The following RBM33 variants were observed in gnomAD, a reference collection of about 807,000 sequenced individuals.
RBM33 encodes the protein RNA-binding protein 33.
In RBM33, 28 loss-of-function variants were observed where a neutral mutation model predicts 132.6. That is an observed-to-expected ratio of 0.21 (90% CI 0.16 to 0.29). RBM33 has a LOEUF of 0.29. Ranked by LOEUF, RBM33 falls within the 10% of genes least tolerant of loss-of-function variation. The pLI, the probability that RBM33 is intolerant of heterozygous loss-of-function variation, is 1.00. For missense variants in RBM33, 1,291 were observed against 1,518.5 expected, an observed-to-expected ratio of 0.85 and a Z score of 2.49; for synonymous variants, 634 against 593.0, an observed-to-expected ratio of 1.07 and a Z score of -1.01.
At chr7:155,673,591 T>TACACACATATAC (rs1563137562) in intron 3 of RBM33, among the ~76,000 whole-genome samples, 8 of 94,868 alleles carry the variant, frequency 8.4e-5, no homozygotes, top group African/African-American at 2.7e-4. Context: ...TGTATATATA[T>TACACACATATAC]ATACACACAT....
At chr7:155,653,573 C>T (rs1053329372) in intron 1 of RBM33, among the ~76,000 whole-genome samples, 1 of 68,328 alleles carries the variant, frequency 1.5e-5, no homozygotes, top group Non-Finnish European at 3.4e-5. Context: ...CCCCCAGCCT[C>T]CCTCGAGGGG....
At chr7:155,721,754 T>A (rs1800634697) in intron 9 of RBM33, among the ~76,000 whole-genome samples, 1 of 152,018 alleles carries the variant, frequency 6.6e-6, no homozygotes, top group Non-Finnish European at 1.5e-5. Flanking sequence ...AATTATTCTT[T>A]AAAATTATTC....
chr7:155,773,342 C>T (rs1046480625), intron 16 of RBM33, among the ~76,000 whole-genome samples: 3 of 151,836 alleles, frequency 2.0e-5, no homozygotes, highest in Non-Finnish European at 4.4e-5. Flanking sequence ...AAGGCAGAGG[C>T]GGATCATGAG....
intron 7 of RBM33, among the ~76,000 whole-genome samples, chr7:155,709,473 G>A (rs1800214089): frequency 6.6e-6 from 1 of 152,142 alleles, no homozygotes; most frequent in Non-Finnish European, 1.5e-5. Context: ...GTTTCTCAGT[G>A]AGTCTTAGTC....
intron 1 of RBM33, among the ~76,000 whole-genome samples, chr7:155,661,225 G>C (rs1341252126): frequency 6.9e-6 from 1 of 144,426 alleles, no homozygotes; most frequent in African/African-American, 2.6e-5. Context: ...TGCAATCTCT[G>C]CCTCCCTGGT....
At chr7:155,717,494 G>A (rs893301648) in intron 8 of RBM33, among the ~76,000 whole-genome samples, 4 of 143,544 alleles carry the variant, frequency 2.8e-5, no homozygotes, top group African/African-American at 5.2e-5. Context: ...TCTGAGGTAC[G>A]GGGGGTTGGG....
Position 155,678,670 on chromosome 7 carries a change from TGAA to T in RBM33, c.238_240del (p.Glu80del), listed in dbSNP as rs771136634. 7 of 1,566,324 alleles carry T rather than the reference TGAA, an allele frequency of 4.5e-6. No homozygotes were observed. Among genetic ancestry groups the T allele is most frequent in the East Asian group, 2.3e-5 (1 of 43,646 alleles). ...ATCTTTTGCAGAGTGATAATGAAGA[TGAA>T]GAAAATTTCAGGTACTCAATATTAC... On this transcript the variant is annotated inframe_deletion, in exon 4 of 18. Transcript: ENST00000401878.
At position 155,775,325 on chromosome 7, in the gene RBM33, TG is replaced by T; in HGVS notation, c.*285del. 3.6e-6 allele frequency: 2 copies of T among 560,612 alleles called. No individual in the cohort carries two copies. The highest frequency in any genetic ancestry group is 3.2e-6 in the Non-Finnish European group (1 of 309,284). 34.7% of individuals were successfully genotyped at this position (560,612 alleles called of 1,614,324 possible). ...TTGTTTTCAAAGTGCTTACAATGCA[TG>T]TAGACATTGTTCTTTGTGGTCTGAC... On this transcript the variant is annotated 3_prime_UTR_variant, in exon 18 of 18. Coordinates refer to ENST00000401878, the MANE Select transcript of RBM33 (RefSeq NM_053043.3).
At chr7:155,655,111 A>C (rs2116873231) in intron 1 of RBM33, among the ~76,000 whole-genome samples, 1 of 152,362 alleles carries the variant, frequency 6.6e-6, no homozygotes, top group Non-Finnish European at 1.5e-5. Context: ...ATTCTGTGTG[A>C]ACAGATAACT....
intron 2 of RBM33, among the ~76,000 whole-genome samples, chr7:155,668,650 C>T (rs111468872): frequency 4.6e-5 from 7 of 152,174 alleles, no homozygotes; most frequent in South Asian, 2.1e-4. Flanking sequence ...TAAACTAGTT[C>T]GTTCTTGAGG....
At position 155,763,458 on chromosome 7, in the gene RBM33, A is replaced by G. The variant is rs59215582; in HGVS notation, c.2980-354A>G. 7.1e-3 allele frequency among the ~76,000 whole-genome samples: 1,075 copies of G among 152,380 alleles called. 11 individuals are homozygous for G. The highest frequency in any genetic ancestry group is 0.025 in the African/African-American group (1,043 of 41,590). On this transcript the variant is annotated intron_variant, in intron 14 of 17. Coordinates refer to ENST00000401878, the MANE Select transcript of RBM33 (RefSeq NM_053043.3). ...ACATTTTAACAAGAATGCTCTTGAA[A>G]GTGAATAATGCATGCTGAAAGTGAA... is the stretch of plus-strand genomic sequence containing the variant.
chr7:155,773,057 A>G (rs1384235285), intron 16 of RBM33, among the ~76,000 whole-genome samples: 1 of 152,190 alleles, frequency 6.6e-6, no homozygotes, highest in African/African-American at 2.4e-5. Context: ...TAGCTCTTTG[A>G]CATGCTTTAA....
intron 8 of RBM33, 29 bp from the exon 9 acceptor site, chr7:155,718,356 G>C (rs1384232578): frequency 1.2e-6 from 2 of 1,602,484 alleles, no homozygotes; most frequent in South Asian, 1.1e-5. Context: ...AGTAAAGTGT[G>C]TCTCTAACAC....
chr7:155,716,528 A>C (rs1442023541), intron 8 of RBM33, among the ~76,000 whole-genome samples: 1 of 152,060 alleles, frequency 6.6e-6, no homozygotes, highest in African/African-American at 2.4e-5. Flanking sequence ...TGGCATTTAA[A>C]TTCCAAGTTT....
chr7:155,742,240 TTTAACC>T, intron 13 of RBM33, 134 bp downstream of exon 13: 1 of 805,716 alleles, frequency 1.2e-6, no homozygotes, highest in Non-Finnish European at 1.9e-6. Flanking sequence ...TTTTTTTTTT[TTTAACC>T]TAACAGCCAT....
chr7:155,693,852 A>G (rs1184314435), intron 5 of RBM33, among the ~76,000 whole-genome samples: 1 of 152,004 alleles, frequency 6.6e-6, no homozygotes, highest in Non-Finnish European at 1.5e-5. Flanking sequence ...CTTTTGTAGG[A>G]TTTGGTTTTG....
chr7:155,654,750 ATTAAT>A (rs1464215398), intron 1 of RBM33, among the ~76,000 whole-genome samples: 6 of 152,250 alleles, frequency 3.9e-5, no homozygotes, highest in South Asian at 2.1e-4. Flanking sequence ...TAAGTCATTC[ATTAAT>A]TTAAGTTCAT....
At position 155,644,755 on chromosome 7, in the gene RBM33, T is replaced by C. The variant is rs1041487397; in HGVS notation, c.-122T>C. 8.8e-6 allele frequency: 7 copies of C among 793,244 alleles called. No individual in the cohort carries two copies. The South Asian group carries it at 1.3e-4, about 14-fold the overall frequency. The allele number at this position is 793,244 out of a possible 1,614,324, so 49.1% of individuals were successfully genotyped here. A position where few individuals can be genotyped will look rare whatever the true frequency, so the allele number is the denominator to read the frequency against. ...GGACCGCGAAGCGCCCGGCTTCGCC[T>C]CTGCCTCCTGCAGCCCCCTCCCTTC... On this transcript the variant is annotated 5_prime_UTR_variant, in exon 1 of 18. Transcript: ENST00000401878.
In RBM33 at chr7:155,745,116, G is replaced by T. The variant is rs143629449; in HGVS notation, c.2493G>T (p.Gln831His). The change falls in exon 14 of 18, where the codon CAG becomes CAT. Residue 831 changes from glutamine to histidine, a missense_variant. Physicochemically the swap from Gln to His is conservative, Grantham distance 24. Transcript: ENST00000401878. This position sits in a 1 kb window ranked among gnomAD's most constrained non-coding sequence, Gnocchi z 4.1. ...TGCTGGAGAGACTCGCGCAGCAACA[G>T]CAGCAGCTGTACGCTCCCCCACCCC... Reference protein sequence around the residue: ...KELLERLAQQQQQLYAPPPPA... With the variant: ...KELLERLAQQHQQLYAPPPPA... The T allele has an allele frequency of 5.0e-6, 8 of 1,599,444 alleles. No individual in the cohort carries two copies. The highest frequency in any genetic ancestry group is 6.8e-6 in the Non-Finnish European group (8 of 1,172,544).
Sources: gnomAD v4.1 joint callset for allele counts (sites outside exome capture counted in the v4.1 genomes callset) on GRCh38, gnomAD v4.1.1 for gene constraint, Gnocchi (gnomAD v3.1) non-coding constraint, MANE v1.5 for transcripts, NCBI Gene and HGNC (gene_info 2026-07-23, HGNC 2026-07-21) for gene names.